The following NF1 variants were observed in gnomAD, a reference collection of about 807,000 sequenced individuals.
NF1 encodes the protein neurofibromin.
NF1 carries 122 observed loss-of-function variants against 325.7 expected under a neutral mutation model. That is an observed-to-expected ratio of 0.37 (90% CI 0.32 to 0.44). The LOEUF (loss-of-function observed/expected upper bound fraction) is 0.44, where lower values mean the gene tolerates loss of function less well. NF1 is among the 20% of genes least tolerant of loss of function. The pLI is 1.00. For missense variants in NF1, 2,140 were observed against 3,415.4 expected (o/e 0.63, Z 9.31); for synonymous variants, 1,091 against 1,186.0 (o/e 0.92, Z 1.65).
In NF1 at chr17:31,252,917, G is replaced by T. The variant is rs1235211858; in HGVS notation, c.4111-21G>T. 3.7e-6 allele frequency: 6 copies of T among 1,608,654 alleles called. No individual in the cohort carries two copies. The South Asian group carries it at 4.4e-5, about 12-fold the overall frequency. ...ATGTAGTCGGTGCTGTGACTTGTTT[G>T]TGCTCATCTCTGTTCTGTAGGCAAC... On this transcript the variant is annotated intron_variant, in intron 30 of 57. Transcript: ENST00000358273.
chr17:31,170,294 ATC>A (rs895312099), intron 5 of NF1, among the ~76,000 whole-genome samples: 40 of 152,184 alleles, frequency 2.6e-4, no homozygotes, highest in African/African-American at 9.7e-4. Flanking sequence ...CTGGAATTTG[ATC>A]TCTCAAGGGT....
At chr17:31,155,896 C>T (rs2065651588) in intron 1 of NF1, 87 bp from the exon 2 acceptor site, 8 of 1,486,960 alleles carry the variant, frequency 5.4e-6, no homozygotes, top group East Asian at 4.8e-5. Flanking sequence ...TTTCCTAAAA[C>T]GTCATGATTT....
At chr17:31,222,055 T>C (rs1452501493) in intron 15 of NF1, 126 bp downstream of exon 15, 1 of 1,279,562 alleles carries the variant, frequency 7.8e-7, no homozygotes, top group Admixed American at 3.7e-5. Context: ...TATGGTTTTG[T>C]ATTTTATTTG....
At position 31,374,213 on chromosome 17, in the gene NF1, C is replaced by G. The variant is rs2070699531; in HGVS notation, c.*58C>G. 6.2e-7 allele frequency: 1 copy of G among 1,605,374 alleles called. No homozygotes were observed. The highest frequency in any genetic ancestry group is 8.5e-7 in the Non-Finnish European group (1 of 1,172,694). On this transcript the variant is annotated 3_prime_UTR_variant, in exon 58 of 58. Transcript: ENST00000358273. Reference sequence around the variant, plus strand: ...AACATGGGCTCTTCACTAGTGACCCCTTCCCTGTCCTTGCCCTTTCCCCCC... The same window carrying G: ...AACATGGGCTCTTCACTAGTGACCCGTTCCCTGTCCTTGCCCTTTCCCCCC...
chr17:31,311,264 C>G (rs1217523566), intron 36 of NF1, among the ~76,000 whole-genome samples: 1 of 151,766 alleles, frequency 6.6e-6, no homozygotes, highest in Non-Finnish European at 1.5e-5. Context: ...TAGACATGTT[C>G]TTATAAATAT....
intron 36 of NF1, chr17:31,307,959 C>T: frequency 7.8e-7 from 1 of 1,275,544 alleles, no homozygotes; most frequent in Non-Finnish European, 1.0e-6. Context: ...GATAAATGGC[C>T]CTGTTTTAGT....
chr17:31,290,981 G>C (rs771588814), intron 36 of NF1, among the ~76,000 whole-genome samples: 24 of 151,544 alleles, frequency 1.6e-4, no homozygotes, highest in Middle Eastern at 6.9e-3. Flanking sequence ...ATTCTAGCCT[G>C]AGTGACAGAG....
chr17:31,156,461 C>G (rs183237212), intron 2 of NF1, among the ~76,000 whole-genome samples: 2 of 152,272 alleles, frequency 1.3e-5, no homozygotes, highest in Admixed American at 1.3e-4. Flanking sequence ...GTGGCCTACA[C>G]GAATTGACCA....
chr17:31,343,451 G>A (rs1222530859), intron 48 of NF1, among the ~76,000 whole-genome samples: 5 of 152,038 alleles, frequency 3.3e-5, no homozygotes, highest in Non-Finnish European at 7.4e-5. Flanking sequence ...AGGCATAGAT[G>A]GAAGGATTGC....
intron 12 of NF1, among the ~76,000 whole-genome samples, chr17:31,212,793 G>T (rs1356127147): frequency 1.3e-5 from 2 of 151,942 alleles, no homozygotes; most frequent in African/African-American, 2.4e-5. Context: ...ATAATTGTAT[G>T]TGCTATACTT....
In NF1 at chr17:31,374,056, C is replaced by A. The variant is rs1326795798; in HGVS notation, c.8421C>A (p.His2807Gln). ...TTGAACTCTCCCCTACCACTGGCCACTGTAACAGTGGACGAACTCGCCACG... is the reference window on the plus strand; with the variant it reads ...TTGAACTCTCCCCTACCACTGGCCAATGTAACAGTGGACGAACTCGCCACG... Reference protein sequence around the residue: ...ENVELSPTTGHCNSGRTRHGS... With the variant: ...ENVELSPTTGQCNSGRTRHGS... The change falls in exon 58 of 58, where the codon CAC becomes CAA. Residue 2807 changes from histidine to glutamine, a missense_variant. Physicochemically the swap from His to Gln is conservative, Grantham distance 24 (BLOSUM62 0). Around this residue, in one of 10 missense-constraint regions of NF1, gnomAD observed 522 missense variants for 749.0 expected, o/e 0.70. Transcript: ENST00000358273. 6.2e-7 allele frequency: 1 copy of A among 1,614,120 alleles called. No individual in the cohort carries two copies. Among genetic ancestry groups the A allele is most frequent in the Non-Finnish European group, 8.5e-7 (1 of 1,179,964 alleles).
At chr17:31,332,920 A>G (rs1167971792) in intron 39 of NF1, among the ~76,000 whole-genome samples, 1 of 41,810 alleles carries the variant, frequency 2.4e-5, no homozygotes, top group African/African-American at 4.6e-5. Context: ...ATCATTTTTT[A>G]TGTTTTTTAA....
intron 29 of NF1, among the ~76,000 whole-genome samples, chr17:31,245,973 A>T (rs1401700457): frequency 6.6e-6 from 1 of 152,108 alleles, no homozygotes; most frequent in Non-Finnish European, 1.5e-5. Flanking sequence ...GCCACCAGTC[A>T]TCTCATTATC....
At chr17:31,291,207 G>A (rs977147890) in intron 36 of NF1, among the ~76,000 whole-genome samples, 6 of 152,082 alleles carry the variant, frequency 3.9e-5, no homozygotes, top group African/African-American at 1.4e-4. Flanking sequence ...AAAGTCCTCT[G>A]TACCTTAGTG....
At chr17:31,203,229 C>T (rs1037560232) in intron 11 of NF1, among the ~76,000 whole-genome samples, 1 of 152,234 alleles carries the variant, frequency 6.6e-6, no homozygotes. Context: ...TGTGCATCCT[C>T]TTCTACTCTA....
chr17:31,258,292 G>C (rs2151461539), intron 31 of NF1, 52 bp from the exon 32 acceptor site: 1 of 1,602,152 alleles, frequency 6.2e-7, no homozygotes, highest in Non-Finnish European at 8.5e-7. Context: ...TTGTTTTCAT[G>C]TCTTTATATT....
chr17:31,234,184 T>G (rs2067161198), intron 27 of NF1, among the ~76,000 whole-genome samples: 1 of 152,244 alleles, frequency 6.6e-6, no homozygotes, highest in Non-Finnish European at 1.5e-5. Flanking sequence ...GGCACAATGC[T>G]GCACAGCAGA....
chr17:31,182,624 G>C lies in NF1; in HGVS notation c.847G>C (p.Asp283His), dbSNP rs200572531. Residue 283 changes from aspartate (D) to histidine (H), a missense_variant, in exon 8 of 58, where the codon GAT becomes CAT. This residue lies in a region of NF1 where 246 missense variants were observed against 347.8 expected (regional missense o/e 0.71). Transcript: ENST00000358273. ...TATCTTGTGTCCAGAAATAATCCAG[G>C]ATATATCCAAAGACGTGGTTGATGA... ...LLILCPEIIQ[D>H]ISKDVVDENN... 6.2e-7 allele frequency: 1 copy of C among 1,613,766 alleles called. No homozygotes were observed. The highest frequency in any genetic ancestry group is 1.3e-5 in the African/African-American group (1 of 74,918).
chr17:31,316,067 CTTAT>C (rs1007346342), intron 36 of NF1, among the ~76,000 whole-genome samples: 6 of 151,884 alleles, frequency 4.0e-5, no homozygotes, highest in African/African-American at 1.2e-4. Flanking sequence ...CGCTGGCTGG[CTTAT>C]TTATTTATTG....
Sources: allele counts gnomAD v4.1 joint callset (sites outside exome capture counted in the v4.1 genomes callset), GRCh38; gene constraint gnomAD v4.1.1; regional missense constraint gnomAD v4.1.1; transcripts MANE v1.5; gene names NCBI Gene and HGNC (gene_info 2026-07-23, HGNC 2026-07-21).